BCL2: variants seen among roughly 807,000 people sequenced by gnomAD.
BCL2 encodes apoptosis regulator Bcl-2.
A neutral mutation model predicts 14.2 loss-of-function variants in BCL2; 1 was observed. The observed-to-expected ratio is 0.07, with a 90% CI of 0.02 to 0.33. The LOEUF is 0.33. Ranked by LOEUF, BCL2 falls within the 10% of genes least tolerant of loss-of-function variation. The pLI, the probability that BCL2 is intolerant of heterozygous loss-of-function variation, is 0.99. For synonymous variants in BCL2, 151 were observed against 137.2 expected (o/e 1.10, Z -0.70); for missense variants, 247 against 305.9 (o/e 0.81, Z 1.44).
chr18:63,219,708 A>G (rs1910331399), intron 2 of BCL2, among the ~76,000 whole-genome samples: 2 of 152,194 alleles, frequency 1.3e-5, no homozygotes, highest in South Asian at 2.1e-4. Context: ...AGGGCCTACT[A>G]TGTACAAAGC....
intron 2 of BCL2, among the ~76,000 whole-genome samples, chr18:63,184,391 A>C (rs917165718): frequency 6.6e-6 from 1 of 152,252 alleles, no homozygotes; most frequent in African/African-American, 2.4e-5. Flanking sequence ...AGATGAATAC[A>C]CTGGCATTCT....
At chr18:63,249,440 C>T (rs184964951) in intron 2 of BCL2, among the ~76,000 whole-genome samples, 72 of 152,304 alleles carry the variant, frequency 4.7e-4, no homozygotes, top group African/African-American at 1.6e-3. Context: ...AGTGTGGTGG[C>T]TCACACCTGT....
intron 2 of BCL2, among the ~76,000 whole-genome samples, chr18:63,244,265 C>T (rs1296625824): frequency 6.6e-6 from 1 of 152,176 alleles, no homozygotes; most frequent in Non-Finnish European, 1.5e-5. Flanking sequence ...GTAATCCCAG[C>T]TACTCGGGAG....
rs1331275570 is a variant in BCL2, at chr18:63,128,290, G to C, written c.*335C>G. On this transcript the variant is annotated 3_prime_UTR_variant, in exon 3 of 3. Transcript: ENST00000333681. ...TTTACAGGCACAGAACATCCAGGTG[G>C]AGCCACACGAAGCGGTGCTTGGCAA... 2 of 251,542 alleles carry C rather than the reference G, an allele frequency of 8.0e-6. No individual in the cohort carries two copies. Among genetic ancestry groups the C allele is most frequent in the Admixed American group, 1.1e-4 (2 of 18,466 alleles). 15.6% of individuals were successfully genotyped at this position (251,542 alleles called of 1,614,324 possible). A position where few individuals can be genotyped will look rare whatever the true frequency, so the allele number is the denominator to read the frequency against.
chr18:63,207,966 GTAC>G (rs1396486423), intron 2 of BCL2: 1 of 152,152 alleles, frequency 6.6e-6, no homozygotes, highest in East Asian at 1.9e-4. Context: ...CTAAGGAAAG[GTAC>G]TTAATTAGAG....
intron 2 of BCL2, among the ~76,000 whole-genome samples, chr18:63,259,122 C>T (rs1234180957): frequency 6.6e-6 from 1 of 152,106 alleles, no homozygotes; most frequent in Non-Finnish European, 1.5e-5. Context: ...CTTCCCTGGC[C>T]GTCAGAAGTC....
rs1915070327 is a variant in BCL2 at position 63,167,375 on chromosome 18, T to A, written c.586-38616A>T. 3.3e-5 allele frequency among the ~76,000 whole-genome samples: 5 copies of A among 152,218 alleles called. No homozygotes were observed. The South Asian group carries it at 1.0e-3, about 32-fold the overall frequency. On this transcript the variant is annotated intron_variant, in intron 2 of 2. Coordinates refer to ENST00000333681, the MANE Select transcript of BCL2 (RefSeq NM_000633.3). ...TAAATACATAACTTTTCTCTCTAAG[T>A]CAGATTTCTCTTCTTGCTATAGGAA...
intron 2 of BCL2, among the ~76,000 whole-genome samples, chr18:63,281,492 C>T (rs1277543733): frequency 6.6e-6 from 1 of 151,898 alleles, no homozygotes; most frequent in Non-Finnish European, 1.5e-5. Context: ...CAGTGAGACC[C>T]CTGTCTCTAC....
chr18:63,150,685 A>G (rs76228771), intron 2 of BCL2, among the ~76,000 whole-genome samples: 3,629 of 152,330 alleles, frequency 0.024, 159 homozygotes, highest in African/African-American at 0.083. Flanking sequence ...TTAGTCTGAT[A>G]TTCCAGCAGT....
In BCL2 at chr18:63,149,172, C is replaced by T. The variant is rs1004524724; in HGVS notation, c.586-20413G>A. ...TCCACAACCTTTTTGGCACCAGGGA[C>T]GTGTTTTGTGGAGGACAATTTTTCC... On this transcript the variant is annotated intron_variant, in intron 2 of 2. Transcript: ENST00000333681. The surrounding 1 kb of genome is among the most constrained non-coding windows in gnomAD (Gnocchi z 4.2). Among the ~76,000 whole-genome samples, 1 of 152,166 alleles carries T rather than the reference C, an allele frequency of 6.6e-6. No individual in the cohort carries two copies. Among genetic ancestry groups the T allele is most frequent in the Non-Finnish European group, 1.5e-5 (1 of 68,018 alleles).
chr18:63,303,846 G>A (rs959300629), intron 2 of BCL2, among the ~76,000 whole-genome samples: 2 of 152,172 alleles, frequency 1.3e-5, no homozygotes, highest in African/African-American at 4.8e-5. Flanking sequence ...AAATGAGAAG[G>A]ATGAGTAGGT....
chr18:63,157,233 G>A (rs981356460), intron 2 of BCL2, among the ~76,000 whole-genome samples: 18 of 152,204 alleles, frequency 1.2e-4, no homozygotes, highest in South Asian at 6.2e-4. Context: ...ACTGAGTCCC[G>A]GAGAGGTGAA....
intron 2 of BCL2, among the ~76,000 whole-genome samples, chr18:63,263,404 T>C (rs942971806): frequency 9.2e-5 from 14 of 152,172 alleles, no homozygotes; most frequent in Non-Finnish European, 1.8e-4. Context: ...TTTTGTTACA[T>C]GCAGGTGTGT....
chr18:63,230,232 T>C (rs955690632), intron 2 of BCL2, among the ~76,000 whole-genome samples: 1 of 152,124 alleles, frequency 6.6e-6, no homozygotes, highest in Non-Finnish European at 1.5e-5. Flanking sequence ...TAAACCCAAG[T>C]ACATTTTGAA....
intron 2 of BCL2, among the ~76,000 whole-genome samples, chr18:63,137,405 AC>A (rs1452578154): frequency 1.3e-5 from 2 of 152,244 alleles, no homozygotes; most frequent in African/African-American, 4.8e-5. Context: ...TGTCTGTCAT[AC>A]GTTAGGAACT....
In BCL2 at chr18:63,318,949, G is replaced by A. The variant is rs1351955682; in HGVS notation, c.-283C>T. The A allele has an allele frequency of 1.5e-6, 2 of 1,316,752 alleles. No individual in the cohort carries two copies. Among genetic ancestry groups the A allele is most frequent in the Non-Finnish European group, 1.9e-6 (2 of 1,025,796 alleles). The allele number at this position is 1,316,752 out of a possible 1,614,324, so 81.6% of individuals were successfully genotyped here. On this transcript the variant is annotated 5_prime_UTR_variant, in exon 2 of 3. Coordinates refer to ENST00000333681, the MANE Select transcript of BCL2 (RefSeq NM_000633.3). The surrounding 1 kb of genome is among the most constrained non-coding windows in gnomAD (Gnocchi z 7.4). ...GTTAATATCAGTCTACTTCCTCTGT[G>A]ATGCTGAAAGGTTAAAGAAAAAACA...
intron 2 of BCL2, among the ~76,000 whole-genome samples, chr18:63,206,558 G>A (rs1909842673): frequency 1.3e-5 from 2 of 152,338 alleles, no homozygotes; most frequent in South Asian, 4.1e-4. Flanking sequence ...TGGAGTCCCT[G>A]TGAGGCAGCA....
At chr18:63,203,773 C>G (rs569725872) in intron 2 of BCL2, among the ~76,000 whole-genome samples, 1 of 152,236 alleles carries the variant, frequency 6.6e-6, no homozygotes, top group East Asian at 1.9e-4. Flanking sequence ...ATACTAAAAG[C>G]AAACTAAGTG....
chr18:63,280,503 T>A (rs1912279390), intron 2 of BCL2, among the ~76,000 whole-genome samples: 1 of 152,142 alleles, frequency 6.6e-6, no homozygotes, highest in African/African-American at 2.4e-5. Context: ...AACCTGATTT[T>A]AAAAAATCAA....
Sources: allele counts gnomAD v4.1 joint callset (sites outside exome capture counted in the v4.1 genomes callset), GRCh38; gene constraint gnomAD v4.1.1; non-coding constraint Gnocchi (gnomAD v3.1); transcripts MANE v1.5; gene names NCBI Gene and HGNC (gene_info 2026-07-23, HGNC 2026-07-21).